LRRIQ1: variants seen among roughly 807,000 people sequenced by gnomAD.
LRRIQ1 encodes the protein leucine-rich repeat- and IQ domain-containing protein 1.
A neutral mutation model predicts 211.9 loss-of-function variants in LRRIQ1; 210 were observed. That is an observed-to-expected ratio of 0.99 (90% CI 0.89 to 1.11). The LOEUF is 1.11. LRRIQ1 is among the 50% of genes most tolerant of loss of function. The probability of loss-of-function intolerance (pLI) is 0.00; values close to 1 mark genes in which losing one functional copy is unlikely to be tolerated. For missense variants in LRRIQ1, 2,136 were observed against 1,939.5 expected (o/e 1.10, Z -1.90); for synonymous variants, 699 against 650.1 (o/e 1.08, Z -1.14).
chr12:85,195,597 C>T (rs1327295739), intron 24 of LRRIQ1, among the ~76,000 whole-genome samples: 1 of 151,890 alleles, frequency 6.6e-6, no homozygotes, highest in African/African-American at 2.4e-5. Flanking sequence ...TCAATAGATG[C>T]AGAAAAAGCC....
Position 85,257,409 on chromosome 12 carries a change from T to G in LRRIQ1, c.122-5506T>G, listed in dbSNP as rs78162051. On this transcript the variant is annotated intron_variant, in intron 1 of 1. Coordinates refer to the LRRIQ1 transcript ENST00000602731. The stretch of plus-strand genomic sequence containing the variant: ...TGATTGTGGAGTTTGGGAATAGACC[T>G]TTCCCAAACTAACAAAATAAACAGG... Among the ~76,000 whole-genome samples the G allele has an allele frequency of 9.6e-4, 145 of 150,524 alleles. No individual in the cohort carries two copies. The East Asian group carries it at 0.017, about 18-fold the overall frequency.
chr12:85,176,686 T>G (rs1197253740), intron 24 of LRRIQ1, among the ~76,000 whole-genome samples: 1 of 151,240 alleles, frequency 6.6e-6, no homozygotes, highest in African/African-American at 2.4e-5. Flanking sequence ...GGCACATGTA[T>G]ACATATGTAA....
In LRRIQ1 at chr12:85,044,866, C is replaced by T. The variant is rs1021871733; in HGVS notation, c.336+57C>T. Reference sequence around the variant, plus strand: ...ACTATTACAATTAGAAATTTTCTCTCTTACACAAGATTGATACTTCACTGA... The same window carrying T: ...ACTATTACAATTAGAAATTTTCTCTTTTACACAAGATTGATACTTCACTGA... On this transcript the variant is annotated intron_variant, in intron 4 of 26. Coordinates refer to ENST00000393217, the MANE Select transcript of LRRIQ1 (RefSeq NM_001079910.2). 9.4e-6 allele frequency: 7 copies of T among 745,596 alleles called. No individual in the cohort carries two copies. In the South Asian group the frequency reaches 1.3e-4, roughly 14 times the overall value. 46.2% of individuals were successfully genotyped at this position (745,596 alleles called of 1,614,324 possible). A position where few individuals can be genotyped will look rare whatever the true frequency, so the allele number is the denominator to read the frequency against.
At chr12:85,162,721 T>G in intron 24 of LRRIQ1, 1 of 454,732 alleles carries the variant, frequency 2.2e-6, no homozygotes, top group Non-Finnish European at 4.4e-6. Context: ...CACATAAGCT[T>G]TACGATGTGA....
At chr12:85,038,553 C>T (rs962305880) in intron 2 of LRRIQ1, among the ~76,000 whole-genome samples, 1 of 151,470 alleles carries the variant, frequency 6.6e-6, no homozygotes, top group African/African-American at 2.4e-5. Flanking sequence ...GATTAAATTA[C>T]ATGGGAAGAA....
At chr12:85,250,924 A>ATTATATATTATATATTTTATATT (rs1895913837) in intron 1 of LRRIQ1, among the ~76,000 whole-genome samples, 1 of 79,690 alleles carries the variant, frequency 1.3e-5, no homozygotes, top group Non-Finnish European at 2.0e-5. Flanking sequence ...TATTTTATAT[A>ATTATATATTATATATTTTATATT]TTATATATTA....
At position 85,127,779 on chromosome 12, in the gene LRRIQ1, C is replaced by T. The variant is rs896547915; in HGVS notation, c.4008-53C>T. ...TTAGGAGGACCTTTTATCTACAACT[C>T]TGTATTTACAGATAATAAAAAAAGT... On this transcript the variant is annotated intron_variant, in intron 17 of 26. Coordinates refer to ENST00000393217, the MANE Select transcript of LRRIQ1 (RefSeq NM_001079910.2). 3 of 1,488,676 alleles carry T rather than the reference C, an allele frequency of 2.0e-6. No individual in the cohort carries two copies. In the African/African-American group the frequency reaches 4.2e-5, roughly 21 times the overall value. The allele number at this position is 1,488,676 out of a possible 1,614,324, so 92.2% of individuals were successfully genotyped here.
intron 24 of LRRIQ1, among the ~76,000 whole-genome samples, chr12:85,187,184 A>G (rs372786297): frequency 6.6e-6 from 1 of 152,118 alleles, no homozygotes; most frequent in Non-Finnish European, 1.5e-5. Context: ...TACTCACAGC[A>G]TGGAATGAAG....
chr12:85,078,864 T>C (rs1883965455), intron 11 of LRRIQ1, among the ~76,000 whole-genome samples: 1 of 152,306 alleles, frequency 6.6e-6, no homozygotes, highest in East Asian at 1.9e-4. Context: ...TATTAATTCA[T>C]TTAGAATTTC....
intron 11 of LRRIQ1, among the ~76,000 whole-genome samples, chr12:85,074,446 A>C (rs1329899901): frequency 2.0e-5 from 3 of 152,030 alleles, no homozygotes; most frequent in African/African-American, 7.2e-5. Flanking sequence ...GTTTCTACAA[A>C]CAAATTACAA....
chr12:85,057,260 A>C (rs865883751), intron 8 of LRRIQ1, 76 bp downstream of exon 8: 1 of 1,075,192 alleles, frequency 9.3e-7, no homozygotes, highest in Non-Finnish European at 1.3e-6. Flanking sequence ...CAGATCTTAG[A>C]AAAAGAAATA....
chr12:85,246,408 A>C (rs895715406), downstream of LRRIQ1, among the ~76,000 whole-genome samples: 2 of 151,384 alleles, frequency 1.3e-5, no homozygotes, highest in African/African-American at 4.8e-5. Flanking sequence ...ACAAACTCAT[A>C]TGATATCACT....
chr12:85,098,843 C>G (rs1458565845), intron 12 of LRRIQ1, 24 bp from the exon 13 acceptor site: 1 of 1,503,204 alleles, frequency 6.7e-7, no homozygotes, highest in East Asian at 2.4e-5. Flanking sequence ...TTAATATAAA[C>G]TAATGAACCA....
chr12:85,175,664 T>C lies in LRRIQ1; in HGVS notation c.4822+14950T>C, dbSNP rs553511413. Among the ~76,000 whole-genome samples, 816 of 152,228 alleles carry C rather than the reference T, an allele frequency of 5.4e-3. 12 individuals are homozygous for C. Among genetic ancestry groups the C allele is most frequent in the African/African-American group, 0.018 (764 of 41,536 alleles). ...GTCTAATGTTTAAGTCTTTAATCCATCTTGAATTGATTTTTGTATAAGGTG... is the reference window on the plus strand; with the variant it reads ...GTCTAATGTTTAAGTCTTTAATCCACCTTGAATTGATTTTTGTATAAGGTG... On this transcript the variant is annotated intron_variant, in intron 24 of 26. Coordinates refer to ENST00000393217, the MANE Select transcript of LRRIQ1 (RefSeq NM_001079910.2).
At chr12:85,259,721 G>T (rs1036178747) in intron 1 of LRRIQ1, among the ~76,000 whole-genome samples, 1 of 152,002 alleles carries the variant, frequency 6.6e-6, no homozygotes, top group Non-Finnish European at 1.5e-5. Flanking sequence ...CTTCAAAACT[G>T]CTATAAAGCT....
rs947323255 is a variant in LRRIQ1, at chr12:85,113,872, A to G, written c.3377+7257A>G. Among the ~76,000 whole-genome samples the G allele has an allele frequency of 4.0e-5, 6 of 151,290 alleles. No homozygotes were observed. The South Asian group carries it at 8.3e-4, about 21-fold the overall frequency. On this transcript the variant is annotated intron_variant, in intron 15 of 26. Coordinates refer to ENST00000393217, the MANE Select transcript of LRRIQ1 (RefSeq NM_001079910.2). ...ATGTCAACTGTTGATGTCAAATCAT[A>G]AGGGTATCAGAAATTTCAATTATTC...
chr12:85,134,916 A>G (rs1278621997), intron 18 of LRRIQ1, among the ~76,000 whole-genome samples: 3 of 152,018 alleles, frequency 2.0e-5, no homozygotes, highest in Non-Finnish European at 4.4e-5. Flanking sequence ...TATTCCTTTC[A>G]TAAATATTTT....
chr12:85,230,768 G>A (rs144544711), intron 25 of LRRIQ1, among the ~76,000 whole-genome samples: 1,877 of 152,288 alleles, frequency 0.012, 24 homozygotes, highest in Middle Eastern at 0.075. Flanking sequence ...ATGTAAGCTT[G>A]GCCGGGCGCG....
At chr12:85,222,154 T>C (rs537939484) in intron 24 of LRRIQ1, among the ~76,000 whole-genome samples, 1 of 152,178 alleles carries the variant, frequency 6.6e-6, no homozygotes, top group African/African-American at 2.4e-5. Context: ...ATAATAAACA[T>C]GAGTTCAATT....
Sources: allele counts gnomAD v4.1 joint callset (sites outside exome capture counted in the v4.1 genomes callset), GRCh38; gene constraint gnomAD v4.1.1; transcripts MANE v1.5; gene names NCBI Gene and HGNC (gene_info 2026-07-23, HGNC 2026-07-21).